CES4A: variants seen among roughly 807,000 people sequenced by gnomAD.
The protein encoded by CES4A is carboxylesterase 4A, also known as carboxylesterase 6.
Under a neutral mutation model 65.4 loss-of-function variants are expected in CES4A, and 48 were observed. The observed-to-expected ratio is 0.73, with a 90% CI of 0.58 to 0.93. The LOEUF (loss-of-function observed/expected upper bound fraction) is 0.93. Among genes scored for constraint, CES4A ranks in the 40% least tolerant of loss-of-function variants. The pLI is 0.00. For synonymous variants in CES4A, 247 were observed against 281.8 expected (o/e 0.88, Z 1.24); for missense variants, 685 against 728.5 (o/e 0.94, Z 0.69).
Position 67,003,553 on chromosome 16 carries a change from G to C in CES4A, c.939G>C (p.Glu313Asp). The C allele has an allele frequency of 6.2e-7, 1 of 1,612,100 alleles. No individual in the cohort carries two copies. The highest frequency in any genetic ancestry group is 8.5e-7 in the Non-Finnish European group (1 of 1,178,204). ...TGAACTTCCAGAGAGACCCGGAAGA[G>C]GTAAACAGGCCACATTCTGCAATTT... Residue 313 changes from glutamate to aspartate, a missense_variant and splice_region_variant, in exon 8 of 14, where the codon GAG (glutamate) becomes GAC (aspartate). Transcript: ENST00000648724. This position sits in a 1 kb window ranked among gnomAD's most constrained non-coding sequence, Gnocchi z 4.2.
Position 67,003,602 on chromosome 16 carries a change from T to TTCAGGAGCGGACGGGCCCCGC in CES4A, c.939+49_939+50insTCAGGAGCGGACGGGCCCCGC. On this transcript the variant is annotated intron_variant, in intron 8 of 13. Coordinates refer to ENST00000648724, the Ensembl canonical transcript of CES4A. This position sits in a 1 kb window ranked among gnomAD's most constrained non-coding sequence, Gnocchi z 4.2. ...TTGAGTATTTATTTAACACCTACTTTGTGCCAGGCACTTGGGATACTTAGG... is the reference window on the plus strand; with the variant it reads ...TTGAGTATTTATTTAACACCTACTTTTCAGGAGCGGACGGGCCCCGCGTGCCAGGCACTTGGGATACTTAGG... 1 of 1,473,718 alleles carries TTCAGGAGCGGACGGGCCCCGC rather than the reference T, an allele frequency of 6.8e-7. No homozygotes were observed. The allele number at this position is 1,473,718 out of a possible 1,614,324, so 91.3% of individuals were successfully genotyped here.
chr16:67,005,150 G>C (rs1163944385), intron 10 of CES4A, 90 bp from the exon 11 acceptor site: 6 of 1,373,682 alleles, frequency 4.4e-6, no homozygotes, highest in South Asian at 1.2e-5. Context: ...AAAACTCCTG[G>C]GGGGCTGAGC....
chr16:66,998,731 G>A (rs182822379), intron 2 of CES4A, among the ~76,000 whole-genome samples: 26 of 152,204 alleles, frequency 1.7e-4, no homozygotes, highest in Middle Eastern at 3.4e-3. Flanking sequence ...GCTAGGTGTC[G>A]TGGCATGTGC....
Position 67,003,360 on chromosome 16 carries a change from G to T in CES4A, c.900G>T (p.Met300Ile), listed in dbSNP as rs1034837613. The T allele has an allele frequency of 4.3e-6, 7 of 1,613,402 alleles. No homozygotes were observed. Among genetic ancestry groups the T allele is most frequent in the African/African-American group, 1.3e-5 (1 of 74,880 alleles). ...AGGTGATGCGTGTGTCCAACAAGAT[G>T]GTAGGTAGAACATTCCAGCTGCCTG... The change falls in exon 7 of 14, where the codon ATG becomes ATT. Residue 300 changes from methionine (M) to isoleucine (I), a missense_variant and splice_region_variant. Transcript: ENST00000648724. This position sits in a 1 kb window ranked among gnomAD's most constrained non-coding sequence, Gnocchi z 4.2.
intron 2 of CES4A, among the ~76,000 whole-genome samples, chr16:66,999,399 G>A (rs541945977): frequency 6.6e-6 from 1 of 152,350 alleles, no homozygotes; most frequent in East Asian, 1.9e-4. Flanking sequence ...GCACTGGGCT[G>A]GGTGCCAGTA....
At position 67,000,734 on chromosome 16, in the gene CES4A, G is replaced by A; in HGVS notation, c.357G>A (p.Leu119=). The A allele has an allele frequency of 6.5e-7, 1 of 1,549,916 alleles. No individual in the cohort carries two copies. The highest frequency in any genetic ancestry group is 1.4e-5 in the African/African-American group (1 of 73,126). Residue 119 remains leucine, a synonymous_variant, in exon 3 of 14, where the codon CTG becomes CTA. Transcript: ENST00000648724. The surrounding 1 kb of genome is among the most constrained non-coding windows in gnomAD (Gnocchi z 4.2). ...GCTTCAGCGAGGACTGTCTGTACCT[G>A]AACGTGTACGCGCCGGCGCGCGCGC...
exon 12 of CES4A, chr16:67,006,512 C>T (rs752384228): frequency 9.8e-6 from 15 of 1,537,392 alleles, no homozygotes; most frequent in South Asian, 5.9e-5. Context: ...GGGGCCCCTT[C>T]GCCACAGGTG....
chr16:67,005,713 G>C (rs1230083458), intron 11 of CES4A: 1 of 265,026 alleles, frequency 3.8e-6, no homozygotes, highest in Admixed American at 5.2e-5. Context: ...GCCAGCTGTA[G>C]TGGCGCATGC....
chr16:67,000,678 G>A lies in CES4A; in HGVS notation c.301G>A (p.Val101Ile). Residue 101 changes from valine to isoleucine, a missense_variant, in exon 3 of 14, where the codon GTC becomes ATC. Transcript: ENST00000648724. The surrounding 1 kb of genome is among the most constrained non-coding windows in gnomAD (Gnocchi z 4.2). ...CTGGGGCCAGCTGGCCTCGATGTAC[G>A]TCAGCACGCGGGAACGGTACAAGTG... The A allele has an allele frequency of 1.9e-6, 3 of 1,550,552 alleles. No individual in the cohort carries two copies. The highest frequency in any genetic ancestry group is 2.6e-6 in the Non-Finnish European group (3 of 1,147,370).
At chr16:66,996,049 GT>G (rs1161801353) in intron 2 of CES4A, 15 of 673,050 alleles carry the variant, frequency 2.2e-5, no homozygotes, top group East Asian at 2.9e-5. Flanking sequence ...TTTTGTTTTT[GT>G]TTTTTTTAGA....
chr16:66,990,376 T>C (rs530468300), intron 1 of CES4A, among the ~76,000 whole-genome samples: 1 of 152,282 alleles, frequency 6.6e-6, no homozygotes, highest in South Asian at 2.1e-4. Flanking sequence ...TCATTGTGTA[T>C]TTATCTATAG....
chr16:66,995,590 G>T, intron 1 of CES4A, 38 bp from the exon 2 acceptor site: 1 of 1,574,030 alleles, frequency 6.4e-7, no homozygotes, highest in South Asian at 1.1e-5. Flanking sequence ...GTGGCTGGGT[G>T]ACTGAGCAGA....
exon 14 of CES4A, chr16:67,009,551 C>T (rs928057189): frequency 2.4e-5 from 4 of 169,106 alleles, no homozygotes; most frequent in African/African-American, 9.6e-5. Context: ...TTGGCATTTA[C>T]CATCCATCCT....
At chr16:66,999,174 A>G (rs1965089848) in intron 2 of CES4A, among the ~76,000 whole-genome samples, 1 of 152,174 alleles carries the variant, frequency 6.6e-6, no homozygotes, top group African/African-American at 2.4e-5. Context: ...GGTGAAAGGG[A>G]GCAGGTGATG....
At chr16:67,006,118 A>C in intron 11 of CES4A, 1 of 414,272 alleles carries the variant, frequency 2.4e-6, no homozygotes, top group Admixed American at 3.5e-5. Flanking sequence ...GGGAAAAGGA[A>C]GGCTTCCATG....
At chr16:67,007,000 G>A (rs1965817515) in intron 13 of CES4A, 183 bp downstream of exon 13, 2 of 591,386 alleles carry the variant, frequency 3.4e-6, no homozygotes. Flanking sequence ...TCTCTAGAAT[G>A]TGTCCTTCTT....
chr16:66,998,531 A>G (rs904412883), intron 2 of CES4A, among the ~76,000 whole-genome samples: 1 of 152,160 alleles, frequency 6.6e-6, no homozygotes, highest in Non-Finnish European at 1.5e-5. Context: ...GCAGTGAACT[A>G]TGATCATGTC....
chr16:66,990,047 CT>C (rs1009395226), intron 1 of CES4A, among the ~76,000 whole-genome samples: 296 of 121,408 alleles, frequency 2.4e-3, no homozygotes, highest in Middle Eastern at 0.01. Flanking sequence ...TTCATCTTTT[CT>C]TTTTTTTTTT....
chr16:67,000,935 G>T lies in CES4A; in HGVS notation c.481G>T (p.Glu161Ter). Reference sequence around the variant, plus strand: ...CGAGGGCTCTGACTTGGCCGCCCGCGAGAAAGTGGTGCTGGTGTTTCTGCA... The same window carrying T: ...CGAGGGCTCTGACTTGGCCGCCCGCTAGAAAGTGGTGCTGGTGTTTCTGCA... The change falls in exon 4 of 14, where the codon GAG (glutamate) becomes TAG (stop). Residue 161 changes from glutamate to a stop codon, truncating the protein, a stop_gained. Transcript: ENST00000648724. LOFTEE classifies it high-confidence loss of function. The surrounding 1 kb of genome is among the most constrained non-coding windows in gnomAD (Gnocchi z 4.2). 1 of 1,613,432 alleles carries T rather than the reference G, an allele frequency of 6.2e-7. No homozygotes were observed. The highest frequency in any genetic ancestry group is 8.5e-7 in the Non-Finnish European group (1 of 1,179,646).
Sources: gnomAD v4.1 joint callset for allele counts (sites outside exome capture counted in the v4.1 genomes callset) on GRCh38, gnomAD v4.1.1 for gene constraint, Gnocchi (gnomAD v3.1) non-coding constraint, MANE v1.5 for transcripts, NCBI Gene and HGNC (gene_info 2026-07-23, HGNC 2026-07-21) for gene names.